SGO1: variants seen among roughly 807,000 people sequenced by gnomAD.
The protein encoded by SGO1 is serologically defined breast cancer antigen NY-BR-85.
A neutral mutation model predicts 50.5 loss-of-function variants in SGO1; 39 were observed. That is an observed-to-expected ratio of 0.77 (90% confidence interval 0.60 to 1.01). The LOEUF (loss-of-function observed/expected upper bound fraction) is 1.01. Ranked by LOEUF, SGO1 falls within the 50% of genes least tolerant of loss-of-function variation. The probability of loss-of-function intolerance (pLI) is 0.00; values close to 1 mark genes in which losing one functional copy is unlikely to be tolerated. For synonymous variants in SGO1, 191 were observed against 205.1 expected, an observed-to-expected ratio of 0.93 and a Z score of 0.59; for missense variants, 638 against 606.0, an observed-to-expected ratio of 1.05 and a Z score of -0.55.
At chr3:20,186,341 A>ACATCCGGG (rs1173340828), upstream of SGO1, 1 of 152,312 alleles carries the variant, frequency 6.6e-6, no homozygotes, top group Admixed American at 6.5e-5. Context: ...GCTCAAGTCC[A>ACATCCGGG]CATCCGGGCA....
chr3:20,186,467 T>A (rs1702684461), upstream of SGO1: 1 of 152,106 alleles, frequency 6.6e-6, no homozygotes, highest in South Asian at 2.1e-4. Flanking sequence ...TAAGGCCGAG[T>A]GTGATAGGTA....
chr3:20,184,108 T>A, intron 1 of SGO1, 74 bp from the exon 2 acceptor site: 2 of 1,197,402 alleles, frequency 1.7e-6, no homozygotes, highest in South Asian at 3.3e-5. Flanking sequence ...AGGCTGTTCA[T>A]AAAGAATGCA....
intron 8 of SGO1, among the ~76,000 whole-genome samples, chr3:20,162,768 T>C (rs1411109711): frequency 6.9e-6 from 1 of 145,046 alleles, no homozygotes; most frequent in African/African-American, 2.5e-5. Context: ...AATATATATA[T>C]AAAATAAAGA....
chr3:20,165,181 G>A (rs567632507), downstream of SGO1, among the ~76,000 whole-genome samples: 30 of 152,328 alleles, frequency 2.0e-4, no homozygotes, highest in African/African-American at 6.3e-4. Context: ...GCTGGCATGT[G>A]CAGAGATCAC....
downstream of SGO1, among the ~76,000 whole-genome samples, chr3:20,165,806 C>A (rs1700268278): frequency 6.6e-6 from 1 of 152,174 alleles, no homozygotes; most frequent in South Asian, 2.1e-4. Flanking sequence ...AATCCCAGCA[C>A]TTTGGGAGGC....
Position 20,174,971 on chromosome 3 carries a change from C to G in SGO1, c.560G>C (p.Arg187Thr). The change falls in exon 6 of 8, where the codon AGA becomes ACA. Residue 187 changes from arginine to threonine, a missense_variant. Arg to Thr is a moderately conservative substitution (Grantham distance 71). Transcript: ENST00000412997. ...EAKSTDNVLP[R>T]TVSVRSSLKK... ...TAAACTGCTACGAACAGATACAGTT[C>G]TAGGTAAGACATTATCAGTAGACTT... 6.2e-7 allele frequency: 1 copy of G among 1,612,358 alleles called. No homozygotes were observed. Among genetic ancestry groups the G allele is most frequent in the Non-Finnish European group, 8.5e-7 (1 of 1,179,120 alleles).
chr3:20,179,011 T>C (rs1318651677), intron 3 of SGO1, among the ~76,000 whole-genome samples: 1 of 152,226 alleles, frequency 6.6e-6, no homozygotes, highest in Non-Finnish European at 1.5e-5. Flanking sequence ...TCTGGCAAGA[T>C]ATGATATCAG....
chr3:20,174,203 T>C, intron 6 of SGO1, 46 bp downstream of exon 6: 1 of 1,440,280 alleles, frequency 6.9e-7, no homozygotes. Context: ...GGAGTGATCA[T>C]TTATCACGAA....
At chr3:20,185,861 C>A (rs1279969467) in intron 1 of SGO1, 87 bp downstream of exon 1, 8 of 152,204 alleles carry the variant, frequency 5.3e-5, no homozygotes, top group African/African-American at 1.9e-4. Context: ...TGGGACTCCA[C>A]GGCCCGAGCT....
intron 3 of SGO1, among the ~76,000 whole-genome samples, chr3:20,183,260 C>T (rs1353424611): frequency 5.3e-5 from 8 of 152,186 alleles, no homozygotes; most frequent in Non-Finnish European, 4.4e-5. Context: ...GATAAGTCCA[C>T]TTCAACTACC....
rs1039777962 is a variant in SGO1 at position 20,183,915 on chromosome 3, G to T, written c.113C>A (p.Ser38Tyr). The T allele has an allele frequency of 1.9e-6, 3 of 1,612,408 alleles. No individual in the cohort carries two copies. Among genetic ancestry groups the T allele is most frequent in the Non-Finnish European group, 1.7e-6 (2 of 1,179,616 alleles). Residue 38 changes from serine (S) to tyrosine (Y), a missense_variant, in exon 2 of 8, where the codon TCT (serine) becomes TAT (tyrosine). By Grantham distance (144) the Ser-to-Tyr change is moderately radical (BLOSUM62 -2). Coordinates refer to ENST00000412997, the MANE Select transcript of SGO1 (RefSeq NM_001199251.3). ...TATTTGGCATGGTGCAGCTATAAAA[G>T]ACCTGCGTTTGCCAATCTCTGCCAA... ...KNLAEIGKRRSFIAAPCQIIT... is the reference protein window; with the variant it reads ...KNLAEIGKRRYFIAAPCQIIT...
intron 3 of SGO1, 46 bp from the exon 4 acceptor site, chr3:20,178,393 C>G (rs6550402): frequency 1.5e-6 from 2 of 1,338,450 alleles, no homozygotes; most frequent in Non-Finnish European, 2.1e-6. Context: ...GAAGTATTCA[C>G]AAGAAAGCAT....
At chr3:20,180,412 C>T (rs1168405830) in intron 3 of SGO1, among the ~76,000 whole-genome samples, 1 of 152,028 alleles carries the variant, frequency 6.6e-6, no homozygotes, top group Admixed American at 6.6e-5. Context: ...AATATGAGAC[C>T]AGGAGAGGTT....
intron 7 of SGO1, 85 bp from the exon 8 acceptor site, chr3:20,170,900 A>G: frequency 6.6e-7 from 1 of 1,505,498 alleles, no homozygotes; most frequent in Non-Finnish European, 8.9e-7. Flanking sequence ...GGTAAAACAC[A>G]CCAATTTTAA....
At chr3:20,180,013 C>T (rs1034839456) in intron 3 of SGO1, among the ~76,000 whole-genome samples, 36 of 152,072 alleles carry the variant, frequency 2.4e-4, no homozygotes, top group African/African-American at 7.2e-4. Flanking sequence ...AGAGTGGCTG[C>T]AGGCCAGGCG....
chr3:20,164,045 A>G (rs1700173509), intron 8 of SGO1, among the ~76,000 whole-genome samples: 1 of 152,218 alleles, frequency 6.6e-6, no homozygotes, highest in African/African-American at 2.4e-5. Context: ...TGTTTCAGAA[A>G]AGAGGAGGTG....
At chr3:20,182,104 A>T (rs1309001584) in intron 3 of SGO1, among the ~76,000 whole-genome samples, 1 of 152,120 alleles carries the variant, frequency 6.6e-6, no homozygotes, top group African/African-American at 2.4e-5. Flanking sequence ...AAGAAAAAAA[A>T]ACATAAAGTT....
At chr3:20,185,850 G>C (rs912162360) in intron 1 of SGO1, 98 bp downstream of exon 1, 4 of 152,228 alleles carry the variant, frequency 2.6e-5, no homozygotes, top group African/African-American at 9.6e-5. Flanking sequence ...AGCGCGGCGA[G>C]TGGGACTCCA....
intron 6 of SGO1, among the ~76,000 whole-genome samples, chr3:20,172,637 A>G (rs1700881077): frequency 6.6e-6 from 1 of 152,020 alleles, no homozygotes; most frequent in African/African-American, 2.4e-5. Flanking sequence ...TTTTCGTTTA[A>G]AAACGTATTT....
Sources: gnomAD v4.1 joint callset for allele counts (sites outside exome capture counted in the v4.1 genomes callset) on GRCh38, gnomAD v4.1.1 for gene constraint, MANE v1.5 for transcripts, NCBI Gene and HGNC (gene_info 2026-07-23, HGNC 2026-07-21) for gene names.